CD163L1: variants seen among roughly 807,000 people sequenced by gnomAD.
CD163L1 encodes scavenger receptor cysteine-rich type 1 protein M160.
Under a neutral mutation model 165.4 loss-of-function variants are expected in CD163L1, and 124 were observed. The ratio of observed to expected loss-of-function variants is 0.75; its 90% CI spans 0.65 to 0.87. The LOEUF (loss-of-function observed/expected upper bound fraction) is 0.87. Among genes scored for constraint, CD163L1 ranks in the 40% least tolerant of loss-of-function variants. The probability of loss-of-function intolerance (pLI) is 0.00; values close to 1 mark genes in which losing one functional copy is unlikely to be tolerated. For missense variants in CD163L1, 1,525 were observed against 1,799.9 expected (o/e 0.85, Z 2.76); for synonymous variants, 585 against 662.2 (o/e 0.88, Z 1.79).
rs1447378900 is a variant in CD163L1 at position 7,369,287 on chromosome 12, T to A, written c.4039+70A>T. 2 of 1,483,534 alleles carry A rather than the reference T, an allele frequency of 1.3e-6. No homozygotes were observed. The highest frequency in any genetic ancestry group is 2.8e-5 in the African/African-American group (2 of 72,228). The allele number at this position is 1,483,534 out of a possible 1,614,324, so 91.9% of individuals were successfully genotyped here. A position where few individuals can be genotyped will look rare whatever the true frequency, so the allele number is the denominator to read the frequency against. ...AGTATCTTCAGCTCAACTCTCTGAG[T>A]GAGCCTGTTTCCCAGTGTTCTCTAC... On this transcript the variant is annotated intron_variant, in intron 15 of 19. Coordinates refer to ENST00000313599, the MANE Select transcript of CD163L1 (RefSeq NM_174941.6). This position sits in a 1 kb window ranked among gnomAD's most constrained non-coding sequence, Gnocchi z 4.9.
chr12:7,426,391 G>A (rs1948543601), intron 4 of CD163L1, among the ~76,000 whole-genome samples: 1 of 151,906 alleles, frequency 6.6e-6, no homozygotes. Flanking sequence ...CAATCACCAT[G>A]GCACATGTAT....
Position 7,375,499 on chromosome 12 carries a change from T to G in CD163L1, c.2783A>C (p.His928Pro). The change falls in exon 11 of 20, where the codon CAC becomes CCC. Residue 928 changes from histidine to proline, a missense_variant. Transcript: ENST00000313599. ...LGHWGSLCDT[H>P]WDPEDARVLC... ...AACACGGGCATCTTCTGGGTCCCAGTGGGTGTCACACAGTGAGCCCCAGTG... is the reference window on the plus strand; with the variant it reads ...AACACGGGCATCTTCTGGGTCCCAGGGGGTGTCACACAGTGAGCCCCAGTG... 6.2e-7 allele frequency: 1 copy of G among 1,614,154 alleles called. No individual in the cohort carries two copies. Among genetic ancestry groups the G allele is most frequent in the Non-Finnish European group, 8.5e-7 (1 of 1,180,024 alleles).
chr12:7,325,865 G>T, the CD163L1 span, among the ~76,000 whole-genome samples: 1 of 152,106 alleles, frequency 6.6e-6, no homozygotes, highest in Non-Finnish European at 1.5e-5. Flanking sequence ...TTCCACATCT[G>T]TACCTCCCTC....
At chr12:7,379,383 G>T in intron 8 of CD163L1, 85 bp from the exon 9 acceptor site, 1 of 1,354,254 alleles carries the variant, frequency 7.4e-7, no homozygotes, top group Non-Finnish European at 1.0e-6. Context: ...CACTAACATA[G>T]ACCAGTGGCC....
chr12:7,320,330 A>C, the CD163L1 span, among the ~76,000 whole-genome samples: 1 of 152,232 alleles, frequency 6.6e-6, no homozygotes, highest in African/African-American at 2.4e-5. Flanking sequence ...GAAAGGTCCC[A>C]GTAGGTTAGC....
chr12:7,433,567 G>A lies in CD163L1; in HGVS notation c.252C>T (p.Val84=), dbSNP rs780364372. Residue 84 remains valine, a synonymous_variant, in exon 3 of 20, where the codon GTC becomes GTT. Coordinates refer to ENST00000313599, the MANE Select transcript of CD163L1 (RefSeq NM_174941.6). The part of the protein sequence containing the change: ...DDGWNTTAST[V]VCKQLGCPFS... Reference sequence around the variant, plus strand: ...ATGGACATCCAAGCTGTTTGCACACGACAGTTGAGGCAGTAGTGTTCCACC... The same window carrying A: ...ATGGACATCCAAGCTGTTTGCACACAACAGTTGAGGCAGTAGTGTTCCACC... 4 of 1,613,964 alleles carry A rather than the reference G, an allele frequency of 2.5e-6. No homozygotes were observed. The highest frequency in any genetic ancestry group is 1.7e-5 in the Admixed American group (1 of 59,988).
Position 7,396,560 on chromosome 12 carries a change from C to T in CD163L1, c.1730-145G>A, listed in dbSNP as rs1188108110. On this transcript the variant is annotated intron_variant, in intron 7 of 19. Coordinates refer to ENST00000313599, the MANE Select transcript of CD163L1 (RefSeq NM_174941.6). ...AGGTATTTTTTCAGATGTGATTAAC[C>T]TTTAAATTAGCAGACTTTGAGTACA... is the stretch of plus-strand genomic sequence containing the variant. 3.8e-6 allele frequency: 3 copies of T among 799,320 alleles called. No individual in the cohort carries two copies. In the East Asian group the frequency reaches 8.1e-5, roughly 22 times the overall value. 49.5% of individuals were successfully genotyped at this position (799,320 alleles called of 1,614,324 possible).
intron 19 of CD163L1, among the ~76,000 whole-genome samples, chr12:7,356,575 G>A (rs1041517239): frequency 1.3e-5 from 2 of 152,036 alleles, no homozygotes; most frequent in African/African-American, 2.4e-5. Flanking sequence ...TTTGGGCTAC[G>A]CAGAAATGCT....
At chr12:7,323,378 T>A in the CD163L1 span, 1 of 1,593,522 alleles carries the variant, frequency 6.3e-7, no homozygotes. Flanking sequence ...TTTCTGCTAT[T>A]CATTGCACAA....
the CD163L1 span, chr12:7,328,517 A>G: frequency 3.6e-6 from 2 of 552,778 alleles, no homozygotes; most frequent in Non-Finnish European, 5.7e-6. Flanking sequence ...GTTTTTACTT[A>G]GCTAAAAAGT....
chr12:7,371,644 G>A (rs1341292608), intron 14 of CD163L1, among the ~76,000 whole-genome samples: 2 of 151,902 alleles, frequency 1.3e-5, no homozygotes, highest in African/African-American at 4.8e-5. Context: ...AGAAAATATT[G>A]AGAAATATGC....
rs1419973884 is a variant in CD163L1, at chr12:7,400,833, A to C, written c.1409-2249T>G. The stretch of plus-strand genomic sequence containing the variant: ...TAGGTATTAGCCTATAGAAAGCTAC[A>C]GTAGTTAAAATGTGATGGTTCTAGA... On this transcript the variant is annotated intron_variant, in intron 6 of 19. Transcript: ENST00000313599. This position sits in a 1 kb window ranked among gnomAD's most constrained non-coding sequence, Gnocchi z 4.1. 6.6e-6 allele frequency among the ~76,000 whole-genome samples: 1 copy of C among 152,234 alleles called. No individual in the cohort carries two copies. Among genetic ancestry groups the C allele is most frequent in the African/African-American group, 2.4e-5 (1 of 41,466 alleles).
At chr12:7,415,798 G>C (rs112069239) in intron 4 of CD163L1, among the ~76,000 whole-genome samples, 11,257 of 152,194 alleles carry the variant, frequency 0.074, 747 homozygotes, top group Admixed American at 0.22. Context: ...GTGTATACGT[G>C]CCACGTTTTC....
the CD163L1 span, among the ~76,000 whole-genome samples, chr12:7,332,340 C>T: frequency 1.3e-5 from 2 of 152,116 alleles, no homozygotes; most frequent in African/African-American, 4.8e-5. Flanking sequence ...GAGAATGGAA[C>T]CAAGTTGGAA....
chr12:7,439,898 C>G, intron 2 of CD163L1: 2 of 1,601,696 alleles, frequency 1.2e-6, no homozygotes, highest in South Asian at 2.2e-5. Context: ...ACTACTCCAA[C>G]TCCTTCTTCG....
intron 4 of CD163L1, among the ~76,000 whole-genome samples, chr12:7,427,954 A>G (rs745704016): frequency 7.2e-5 from 11 of 152,146 alleles, no homozygotes; most frequent in Non-Finnish European, 1.5e-4. Context: ...TTTCAAAAAC[A>G]TTCTGGCCTA....
intron 19 of CD163L1, 69 bp downstream of exon 19, chr12:7,357,311 T>C (rs1946797773): frequency 1.0e-6 from 1 of 958,456 alleles, no homozygotes; most frequent in Non-Finnish European, 1.6e-6. Flanking sequence ...TTGGAAAAAA[T>C]GTATTTAATT....
At chr12:7,346,097 A>C (rs773536932), downstream of CD163L1, among the ~76,000 whole-genome samples, 6 of 152,088 alleles carry the variant, frequency 3.9e-5, no homozygotes, top group Non-Finnish European at 7.3e-5. Flanking sequence ...ATTTACTCTG[A>C]TATTTGTAAA....
At position 7,421,024 on chromosome 12, in the gene CD163L1, CAT is replaced by C. The variant is rs144873633; in HGVS notation, c.766+11390_766+11391del. Among the ~76,000 whole-genome samples, 83 of 104,998 alleles carry C rather than the reference CAT, an allele frequency of 7.9e-4. 1 individual carries two copies. The highest frequency in any genetic ancestry group is 3.1e-3 in the African/African-American group (67 of 21,788). 68.9% of individuals were successfully genotyped at this position (104,998 alleles called of 152,430 possible). A position where few individuals can be genotyped will look rare whatever the true frequency, so the allele number is the denominator to read the frequency against. ...ATATATATATACGTGTATATATATA[CAT>C]ATATATATACGTGTATATATATGTA... On this transcript the variant is annotated intron_variant, in intron 4 of 19. Coordinates refer to ENST00000313599, the MANE Select transcript of CD163L1 (RefSeq NM_174941.6).
Sources: allele counts gnomAD v4.1 joint callset (sites outside exome capture counted in the v4.1 genomes callset), GRCh38; gene constraint gnomAD v4.1.1; non-coding constraint Gnocchi (gnomAD v3.1); transcripts MANE v1.5; gene names NCBI Gene and HGNC (gene_info 2026-07-23, HGNC 2026-07-21).